The following SASH1 variants were observed in gnomAD, a reference collection of about 807,000 sequenced individuals.
The protein encoded by SASH1 is SAM and SH3 domain-containing protein 1.
SASH1 carries 44 observed loss-of-function variants against 125.2 expected under a neutral mutation model. That is an observed-to-expected ratio of 0.35 (90% CI 0.28 to 0.45). SASH1 has a LOEUF of 0.45. SASH1 is among the 20% of genes least tolerant of loss of function. The pLI is 1.00. For missense variants in SASH1, 1,426 were observed against 1,614.5 expected, an observed-to-expected ratio of 0.88 and a Z score of 2.00; for synonymous variants, 639 against 649.1, an observed-to-expected ratio of 0.98 and a Z score of 0.24.
chr6:148,424,099 G>C (rs963546000), intron 2 of SASH1, among the ~76,000 whole-genome samples: 2 of 151,938 alleles, frequency 1.3e-5, no homozygotes, highest in Non-Finnish European at 2.9e-5. Flanking sequence ...CATGTTGTAA[G>C]TAATTTATTC....
chr6:148,263,588 C>T, the SASH1 span, among the ~76,000 whole-genome samples: 2 of 152,224 alleles, frequency 1.3e-5, no homozygotes, highest in East Asian at 1.9e-4. Flanking sequence ...AAACTGATGA[C>T]TCTAGCGGTG....
chr6:148,228,244 T>G, the SASH1 span, among the ~76,000 whole-genome samples: 1 of 152,232 alleles, frequency 6.6e-6, no homozygotes, highest in Non-Finnish European at 1.5e-5. Context: ...TTTTTTCAGA[T>G]ATGTAACCCC....
chr6:148,400,246 G>T (rs1375496329), intron 2 of SASH1, among the ~76,000 whole-genome samples: 4 of 152,226 alleles, frequency 2.6e-5, no homozygotes, highest in African/African-American at 9.6e-5. Flanking sequence ...GCAGAACCCT[G>T]TGTGGGGCCT....
intron 16 of SASH1, among the ~76,000 whole-genome samples, chr6:148,537,694 A>G: frequency 6.6e-6 from 1 of 152,032 alleles, no homozygotes; most frequent in Non-Finnish European, 1.5e-5. Context: ...TTCCCAAGGT[A>G]ACTGCTCCCC....
At chr6:148,539,698 CAGCTTTTACTTAT>C (rs1782100834) in intron 16 of SASH1, among the ~76,000 whole-genome samples, 1 of 152,130 alleles carries the variant, frequency 6.6e-6, no homozygotes, top group Admixed American at 6.5e-5. Context: ...AAGCTTTCCC[CAGCTTTTACTTAT>C]ATGCAGGAGA....
chr6:148,262,069 T>C, the SASH1 span, among the ~76,000 whole-genome samples: 3 of 151,980 alleles, frequency 2.0e-5, no homozygotes, highest in South Asian at 2.1e-4. Flanking sequence ...AACACTGCAC[T>C]CTTCTCCAGG....
chr6:148,205,629 TC>T, the SASH1 span, among the ~76,000 whole-genome samples: 1 of 152,020 alleles, frequency 6.6e-6, no homozygotes, highest in Non-Finnish European at 1.5e-5. Flanking sequence ...CTTTCCCTAG[TC>T]CCCAGAAGAA....
intron 4 of SASH1, among the ~76,000 whole-genome samples, chr6:148,463,132 A>G (rs1343633567): frequency 6.6e-6 from 1 of 151,826 alleles, no homozygotes; most frequent in Non-Finnish European, 1.5e-5. Context: ...GTGTGGAGTG[A>G]GAGACTGCAA....
At chr6:148,361,086 C>T (rs1177848055) in intron 1 of SASH1, among the ~76,000 whole-genome samples, 1 of 152,132 alleles carries the variant, frequency 6.6e-6, no homozygotes, top group African/African-American at 2.4e-5. Context: ...CAGTGATGCA[C>T]CTGCAGGCTA....
At chr6:148,272,216 G>C (rs1779078749), upstream of SASH1, 1 of 362,732 alleles carries the variant, frequency 2.8e-6, no homozygotes, top group Non-Finnish European at 6.1e-6. Context: ...ATAATCCCTA[G>C]GGCTGTGAGA....
At chr6:148,346,425 A>G (rs985005997) in intron 1 of SASH1, among the ~76,000 whole-genome samples, 1 of 152,172 alleles carries the variant, frequency 6.6e-6, no homozygotes, top group Non-Finnish European at 1.5e-5. Flanking sequence ...GCAGTACTAG[A>G]ATAAATAAAT....
At chr6:148,300,695 C>A (rs972561821) in intron 1 of SASH1, among the ~76,000 whole-genome samples, 4 of 151,968 alleles carry the variant, frequency 2.6e-5, no homozygotes, top group Non-Finnish European at 5.9e-5. Context: ...GTTGGCTAGG[C>A]TGGTCTCGAA....
rs199734095 is a variant in SASH1 at position 148,519,590 on chromosome 6, A to G, written c.906A>G (p.Glu302=). 15 of 1,614,000 alleles carry G rather than the reference A, an allele frequency of 9.3e-6. No homozygotes were observed. The highest frequency in any genetic ancestry group is 1.7e-5 in the Admixed American group (1 of 59,998). The part of the protein sequence containing the change: ...HVFENSPVLD[E]RSALYSGVHK... ...TTGAGAATTCGCCGGTCCTGGATGAACGGTCCGCCCTCTACTCTGGCGTGC... is the reference window on the plus strand; with the variant it reads ...TTGAGAATTCGCCGGTCCTGGATGAGCGGTCCGCCCTCTACTCTGGCGTGC... Residue 302 remains glutamate, a synonymous_variant, in exon 10 of 20, where the codon GAA becomes GAG. Coordinates refer to ENST00000367467, the MANE Select transcript of SASH1 (RefSeq NM_015278.5). This position sits in a 1 kb window ranked among gnomAD's most constrained non-coding sequence, Gnocchi z 4.8.
At chr6:148,421,936 T>C (rs1331129744) in intron 2 of SASH1, among the ~76,000 whole-genome samples, 3 of 152,234 alleles carry the variant, frequency 2.0e-5, no homozygotes, top group Non-Finnish European at 4.4e-5. Flanking sequence ...TCAGCACTTT[T>C]TATATAGTGA....
At chr6:148,227,096 T>C in the SASH1 span, among the ~76,000 whole-genome samples, 1 of 152,222 alleles carries the variant, frequency 6.6e-6, no homozygotes, top group African/African-American at 2.4e-5. Context: ...GAAGTATGAA[T>C]GTTACTAATT....
At chr6:148,369,081 G>A (rs1340238950) in intron 1 of SASH1, among the ~76,000 whole-genome samples, 3 of 152,182 alleles carry the variant, frequency 2.0e-5, no homozygotes, top group Non-Finnish European at 4.4e-5. Flanking sequence ...ACGTGCATTG[G>A]CCTGGCAGAG....
chr6:148,388,882 T>C (rs1783586533), intron 1 of SASH1, among the ~76,000 whole-genome samples: 1 of 151,948 alleles, frequency 6.6e-6, no homozygotes, highest in Non-Finnish European at 1.5e-5. Flanking sequence ...CTTTAGGTGG[T>C]CTAAAAGTCG....
At position 148,440,192 on chromosome 6, in the gene SASH1, C is replaced by G. The variant is rs747396178; in HGVS notation, c.294C>G (p.Pro98=). Reference sequence around the variant, plus strand: ...CATCTGTTCTGTTTTAGGAGAAACCCGATGCTAGCCCCACGTCACTTCAGC... The same window carrying G: ...CATCTGTTCTGTTTTAGGAGAAACCGGATGCTAGCCCCACGTCACTTCAGC... ...RVSQDLEVEK[P]DASPTSLQLR... is the part of the protein sequence containing the mutation. The change falls in exon 3 of 20, where the codon CCC becomes CCG. Residue 98 remains proline, a synonymous_variant. Coordinates refer to ENST00000367467, the MANE Select transcript of SASH1 (RefSeq NM_015278.5). 3 of 1,614,008 alleles carry G rather than the reference C, an allele frequency of 1.9e-6. No individual in the cohort carries two copies. The highest frequency in any genetic ancestry group is 1.7e-6 in the Non-Finnish European group (2 of 1,179,982).
At chr6:148,517,667 A>T (rs1780520288) in intron 9 of SASH1, among the ~76,000 whole-genome samples, 1 of 152,060 alleles carries the variant, frequency 6.6e-6, no homozygotes, top group Non-Finnish European at 1.5e-5. Flanking sequence ...TTCCCTCACA[A>T]CCCCTTACCA....
Sources: allele counts gnomAD v4.1 joint callset (sites outside exome capture counted in the v4.1 genomes callset), GRCh38; gene constraint gnomAD v4.1.1; non-coding constraint Gnocchi (gnomAD v3.1); transcripts MANE v1.5; gene names NCBI Gene and HGNC (gene_info 2026-07-23, HGNC 2026-07-21).